The following THSD4 variants were observed in gnomAD, a reference collection of about 807,000 sequenced individuals.
THSD4 encodes the protein thrombospondin type-1 domain-containing protein 4.
THSD4 carries 69 observed loss-of-function variants against 119.0 expected under a neutral mutation model. That is an observed-to-expected ratio of 0.58 (90% CI 0.48 to 0.71). The LOEUF is 0.71. Ranked by LOEUF, THSD4 falls within the 30% of genes least tolerant of loss-of-function variation. THSD4 has a pLI of 0.00. For missense variants in THSD4, 1,393 were observed against 1,391.1 expected (o/e 1.00, Z -0.02); for synonymous variants, 524 against 540.4 (o/e 0.97, Z 0.42).
chr15:71,242,784 G>A lies in THSD4; in HGVS notation c.600G>A (p.Arg200=). Residue 200 remains arginine (R), a synonymous_variant, in exon 5 of 18, where the codon AGG becomes AGA. Transcript: ENST00000261862. ...RRQKLSSRHS[R]SQGASSARHG... is the part of the protein sequence containing the mutation. The stretch of plus-strand genomic sequence containing the variant: ...AGAAGCTCTCATCCCGCCATTCCAG[G>A]TCCCAGGGAGCATCTTCTGCTAGGC... 1 of 1,614,120 alleles carries A rather than the reference G, an allele frequency of 6.2e-7. No homozygotes were observed. Among genetic ancestry groups the A allele is most frequent in the South Asian group, 1.1e-5 (1 of 91,074 alleles).
chr15:71,393,785 A>G (rs1211122755), intron 6 of THSD4, among the ~76,000 whole-genome samples: 3 of 152,212 alleles, frequency 2.0e-5, no homozygotes. Context: ...AGGAGTCTCT[A>G]TCTGTGACCT....
chr15:71,349,836 A>G (rs2045720424), intron 6 of THSD4, among the ~76,000 whole-genome samples: 1 of 152,134 alleles, frequency 6.6e-6, no homozygotes, highest in African/African-American at 2.4e-5. Context: ...TAAGGGTAAC[A>G]GAGATTCAGT....
chr15:71,260,786 C>T (rs1361879273), intron 6 of THSD4, among the ~76,000 whole-genome samples: 1 of 152,124 alleles, frequency 6.6e-6, no homozygotes, highest in Admixed American at 6.6e-5. Flanking sequence ...GGCTGAATTG[C>T]ACCCCCAAAA....
chr15:71,615,525 A>G (rs1224027255), intron 7 of THSD4, among the ~76,000 whole-genome samples: 1 of 152,172 alleles, frequency 6.6e-6, no homozygotes. Context: ...CCTTACACAG[A>G]ATGAATATTT....
intron 1 of THSD4, among the ~76,000 whole-genome samples, chr15:71,103,219 C>CTG (rs1164248620): frequency 6.6e-6 from 1 of 151,290 alleles, no homozygotes; most frequent in Non-Finnish European, 1.5e-5. Flanking sequence ...GCCTCTTGGG[C>CTG]TGTGGTTTCA....
intron 7 of THSD4, among the ~76,000 whole-genome samples, chr15:71,479,644 G>A (rs1372359077): frequency 6.6e-6 from 1 of 152,102 alleles, no homozygotes; most frequent in Non-Finnish European, 1.5e-5. Flanking sequence ...TGTTGATGGG[G>A]ATTTGGTTTA....
chr15:71,720,513 C>T (rs1427353429), intron 8 of THSD4, among the ~76,000 whole-genome samples: 2 of 152,198 alleles, frequency 1.3e-5, no homozygotes, highest in African/African-American at 4.8e-5. Context: ...GAGTCACAGT[C>T]CTGCATACTA....
rs572359542 is a variant in THSD4 at position 71,424,272 on chromosome 15, C to G, written c.1152+12449C>G. Among the ~76,000 whole-genome samples, 73 of 152,220 alleles carry G rather than the reference C, an allele frequency of 4.8e-4. 1 individual carries two copies. The South Asian group carries it at 0.011, about 24-fold the overall frequency. ...CATCTTGCTCTGCTTCTCCTCTGCACTTTAGACCCGAGAGCTGAAATAAGG... is the reference window on the plus strand; with the variant it reads ...CATCTTGCTCTGCTTCTCCTCTGCAGTTTAGACCCGAGAGCTGAAATAAGG... On this transcript the variant is annotated intron_variant, in intron 7 of 17. Coordinates refer to ENST00000261862, the MANE Select transcript of THSD4 (RefSeq NM_024817.3).
chr15:71,580,038 C>T (rs2049528930), intron 7 of THSD4, among the ~76,000 whole-genome samples: 1 of 152,040 alleles, frequency 6.6e-6, no homozygotes, highest in South Asian at 2.1e-4. Context: ...TAATAATATC[C>T]TGCTCTTAAG....
chr15:71,723,186 G>T (rs1243752164), intron 8 of THSD4, among the ~76,000 whole-genome samples: 2 of 151,884 alleles, frequency 1.3e-5, no homozygotes, highest in African/African-American at 4.8e-5. Context: ...AGAGTTTTTG[G>T]GTCAGGGTGT....
chr15:71,442,407 A>G (rs1176547677), intron 7 of THSD4, among the ~76,000 whole-genome samples: 1 of 150,758 alleles, frequency 6.6e-6, no homozygotes, highest in Admixed American at 6.6e-5. Context: ...TGTCTCTACT[A>G]AAAATACAAA....
intron 4 of THSD4, among the ~76,000 whole-genome samples, chr15:71,235,334 A>G (rs550128393): frequency 1.3e-5 from 2 of 152,324 alleles, no homozygotes; most frequent in Admixed American, 1.3e-4. Flanking sequence ...CAAAGTGCAA[A>G]TGTGGCATAA....
At chr15:71,361,296 T>C (rs1441143297) in intron 6 of THSD4, among the ~76,000 whole-genome samples, 2 of 152,170 alleles carry the variant, frequency 1.3e-5, no homozygotes, top group African/African-American at 4.8e-5. Flanking sequence ...TCATGTCACT[T>C]TGGATGGATT....
At chr15:71,547,694 C>T in intron 7 of THSD4, 1 of 555,270 alleles carries the variant, frequency 1.8e-6, no homozygotes, top group Non-Finnish European at 2.9e-6. Context: ...CATTTTGAAG[C>T]TGTCTGTGCA....
intron 3 of THSD4, among the ~76,000 whole-genome samples, chr15:71,184,932 G>A (rs1004257058): frequency 6.6e-6 from 1 of 151,236 alleles, no homozygotes; most frequent in Non-Finnish European, 1.5e-5. Flanking sequence ...GTTTTTTTTG[G>A]CTCTCCCTAT....
intron 7 of THSD4, among the ~76,000 whole-genome samples, chr15:71,449,768 A>G (rs1445458809): frequency 6.6e-6 from 1 of 152,226 alleles, no homozygotes; most frequent in Non-Finnish European, 1.5e-5. Context: ...TTGAGAAGTA[A>G]GTAGATTTAA....
intron 17 of THSD4, among the ~76,000 whole-genome samples, chr15:71,773,940 C>T (rs1403230371): frequency 2.0e-5 from 3 of 152,092 alleles, no homozygotes; most frequent in African/African-American, 7.2e-5. Context: ...AAAATTAAAT[C>T]CCCAATATAG....
chr15:71,489,256 C>A (rs1402694657), intron 7 of THSD4, among the ~76,000 whole-genome samples: 1 of 152,164 alleles, frequency 6.6e-6, no homozygotes, highest in African/African-American at 2.4e-5. Flanking sequence ...TTGTTAGAAT[C>A]ATATTCTTTT....
intron 8 of THSD4, among the ~76,000 whole-genome samples, chr15:71,696,983 C>T (rs547410362): frequency 1.3e-5 from 2 of 152,128 alleles, no homozygotes; most frequent in South Asian, 2.1e-4. Flanking sequence ...CAAGCCCATG[C>T]GACTTGAGAG....
Sources: gnomAD v4.1 joint callset for allele counts (sites outside exome capture counted in the v4.1 genomes callset) on GRCh38, gnomAD v4.1.1 for gene constraint, MANE v1.5 for transcripts, NCBI Gene and HGNC (gene_info 2026-07-23, HGNC 2026-07-21) for gene names.